Variants in SCN8A observed in about 807,000 individuals in gnomAD.
SCN8A encodes sodium channel protein type 8 subunit alpha.
In SCN8A, 30 loss-of-function variants were observed where a neutral mutation model predicts 184.1. The ratio of observed to expected loss-of-function variants is 0.16; its 90% CI spans 0.12 to 0.22. The LOEUF is 0.22. SCN8A is among the 10% of genes least tolerant of loss of function. The pLI is 1.00. For missense variants in SCN8A, 1,057 were observed against 2,498.9 expected (o/e 0.42, Z 12.30); for synonymous variants, 852 against 907.0 (o/e 0.94, Z 1.09).
chr12:51,624,162 T>C (rs2138602472), intron 1 of SCN8A, among the ~76,000 whole-genome samples: 1 of 152,354 alleles, frequency 6.6e-6, no homozygotes, highest in South Asian at 2.1e-4. Flanking sequence ...GTATTTCTAG[T>C]TCAAGATCCC....
In SCN8A at chr12:51,789,267, C is replaced by T. The variant is rs1156411784; in HGVS notation, c.4282-14C>T. ...AGGAGCTGATTCTCTTCCTTTTATC[C>T]TGTCCTTTGACAGCCTGATGAGCAG... On this transcript the variant is annotated splice_polypyrimidine_tract_variant and intron_variant, in intron 23 of 26. Transcript: ENST00000627620. 6.2e-7 allele frequency: 1 copy of T among 1,613,596 alleles called. No individual in the cohort carries two copies. Among genetic ancestry groups the T allele is most frequent in the African/African-American group, 1.3e-5 (1 of 75,036 alleles).
intron 12 of SCN8A, among the ~76,000 whole-genome samples, chr12:51,735,831 TG>T (rs1436784266): frequency 6.6e-6 from 1 of 152,186 alleles, no homozygotes; most frequent in Non-Finnish European, 1.5e-5. Context: ...CCAAATCGGC[TG>T]TTGATTTTGG....
intron 2 of SCN8A, among the ~76,000 whole-genome samples, chr12:51,668,209 A>C (rs1288920163): frequency 6.6e-6 from 1 of 151,870 alleles, no homozygotes; most frequent in African/African-American, 2.4e-5. Flanking sequence ...AATTATATAT[A>C]GCTTCCTAAA....
chr12:51,644,340 C>T (rs929850033), intron 1 of SCN8A, among the ~76,000 whole-genome samples: 4 of 152,152 alleles, frequency 2.6e-5, no homozygotes, highest in African/African-American at 7.2e-5. Flanking sequence ...GTTACTTAAC[C>T]TCTTTATGCC....
At chr12:51,722,107 C>T in intron 12 of SCN8A, 199 bp downstream of exon 12, 1 of 787,602 alleles carries the variant, frequency 1.3e-6, no homozygotes, top group Non-Finnish European at 2.0e-6. Context: ...TTTCTCTCTT[C>T]AGTTTTCCCC....
intron 25 of SCN8A, among the ~76,000 whole-genome samples, chr12:51,792,458 C>T (rs1362425455): frequency 7.1e-6 from 1 of 140,380 alleles, no homozygotes; most frequent in South Asian, 2.4e-4. Context: ...CACTGCACTC[C>T]AGCCTGGGGA....
chr12:51,625,199 C>T (rs12579568), intron 1 of SCN8A, among the ~76,000 whole-genome samples: 3,357 of 152,292 alleles, frequency 0.022, 183 homozygotes, highest in East Asian at 0.18. Context: ...AAACACCTTC[C>T]ACTGCAAACC....
chr12:51,772,762 C>T (rs1439957132), intron 19 of SCN8A, among the ~76,000 whole-genome samples: 4 of 149,180 alleles, frequency 2.7e-5, no homozygotes, highest in Admixed American at 6.6e-5. Flanking sequence ...GGGCGAATCA[C>T]GAAGTCAGGA....
intron 20 of SCN8A, among the ~76,000 whole-genome samples, chr12:51,777,163 G>A (rs540629367): frequency 1.3e-5 from 2 of 152,168 alleles, no homozygotes; most frequent in South Asian, 2.1e-4. Context: ...AACATTCCCC[G>A]TTTGAAAATA....
At chr12:51,611,773 A>G (rs1167446709) in intron 1 of SCN8A, among the ~76,000 whole-genome samples, 1 of 151,944 alleles carries the variant, frequency 6.6e-6, no homozygotes, top group Non-Finnish European at 1.5e-5. Flanking sequence ...GGGATTACTG[A>G]CGTGAGCCAC....
intron 4 of SCN8A, 112 bp downstream of exon 4, chr12:51,686,569 C>T (rs1285540148): frequency 4.4e-6 from 3 of 688,640 alleles, no homozygotes; most frequent in African/African-American, 3.6e-5. Context: ...TATTGCCTCT[C>T]TTTATTTCAC....
chr12:51,793,038 C>T (rs575835475), intron 25 of SCN8A, among the ~76,000 whole-genome samples: 2 of 152,228 alleles, frequency 1.3e-5, no homozygotes, highest in South Asian at 2.1e-4. Flanking sequence ...CGTGAGCCAC[C>T]GCACCTGGCC....
chr12:51,596,089 A>C (rs1367329160), intron 1 of SCN8A, among the ~76,000 whole-genome samples: 1 of 152,192 alleles, frequency 6.6e-6, no homozygotes, highest in African/African-American at 2.4e-5. Context: ...ATGGACTCAA[A>C]GGCTGAGGCC....
At chr12:51,663,174 CTT>C in intron 2 of SCN8A, 81 bp downstream of exon 2, 3 of 1,507,416 alleles carry the variant, frequency 2.0e-6, no homozygotes, top group Non-Finnish European at 2.7e-6. Flanking sequence ...AACTGTGTCT[CTT>C]TGCCAAAGTT....
intron 12 of SCN8A, among the ~76,000 whole-genome samples, chr12:51,726,428 GAGGAATAA>G (rs1239871674): frequency 6.6e-6 from 1 of 152,204 alleles, no homozygotes; most frequent in Non-Finnish European, 1.5e-5. Flanking sequence ...CCAAGGCTTA[GAGGAATAA>G]AGTAACTTGT....
chr12:51,635,970 A>T (rs1940307211), intron 1 of SCN8A, among the ~76,000 whole-genome samples: 1 of 152,150 alleles, frequency 6.6e-6, no homozygotes, highest in Non-Finnish European at 1.5e-5. Context: ...TTCCCCAAAG[A>T]TAACTACTAC....
intron 7 of SCN8A, 142 bp from the exon 8 acceptor site, chr12:51,701,002 T>C: frequency 2.0e-6 from 1 of 494,608 alleles, no homozygotes; most frequent in South Asian, 4.3e-5. Flanking sequence ...AAAGAATTCT[T>C]ATCAGCTGTC....
At chr12:51,736,415 TAG>T (rs1391233181) in intron 12 of SCN8A, among the ~76,000 whole-genome samples, 1 of 152,178 alleles carries the variant, frequency 6.6e-6, no homozygotes, top group Non-Finnish European at 1.5e-5. Flanking sequence ...CAAATAGAGT[TAG>T]GTTACAGTCC....
intron 1 of SCN8A, among the ~76,000 whole-genome samples, chr12:51,639,408 G>A (rs1246646327): frequency 1.3e-5 from 2 of 151,876 alleles, no homozygotes; most frequent in African/African-American, 4.8e-5. Context: ...CTCCAATTTT[G>A]TTTTTTCATT....
Sources: gnomAD v4.1 joint callset for allele counts (sites outside exome capture counted in the v4.1 genomes callset) on GRCh38, gnomAD v4.1.1 for gene constraint, MANE v1.5 for transcripts, NCBI Gene and HGNC (gene_info 2026-07-23, HGNC 2026-07-21) for gene names.